The following ARHGAP24 variants were observed in gnomAD, a reference collection of about 807,000 sequenced individuals.
ARHGAP24 encodes the protein rho GTPase-activating protein 24.
ARHGAP24 carries 50 observed loss-of-function variants against 76.4 expected under a neutral mutation model. The ratio of observed to expected loss-of-function variants is 0.65; its 90% CI spans 0.52 to 0.83. The LOEUF is 0.83. Ranked by LOEUF, ARHGAP24 falls within the 40% of genes least tolerant of loss-of-function variation. The probability of loss-of-function intolerance (pLI) is 0.00; values close to 1 mark genes in which losing one functional copy is unlikely to be tolerated. For synonymous variants in ARHGAP24, 345 were observed against 323.3 expected (o/e 1.07, Z -0.72); for missense variants, 930 against 914.2 (o/e 1.02, Z -0.22).
chr4:85,675,835 A>G (rs926126690), intron 2 of ARHGAP24, among the ~76,000 whole-genome samples: 1 of 152,172 alleles, frequency 6.6e-6, no homozygotes, highest in African/African-American at 2.4e-5. Flanking sequence ...ATCCACTCAA[A>G]GTCATCAGGC....
At chr4:85,980,918 A>G (rs556545243) in intron 8 of ARHGAP24, among the ~76,000 whole-genome samples, 4 of 152,320 alleles carry the variant, frequency 2.6e-5, no homozygotes, top group South Asian at 2.1e-4. Context: ...ACCAAACCCA[A>G]CTAGCACCAT....
At chr4:85,975,938 T>C (rs1240945055) in intron 7 of ARHGAP24, among the ~76,000 whole-genome samples, 2 of 152,182 alleles carry the variant, frequency 1.3e-5, no homozygotes, top group African/African-American at 4.8e-5. Flanking sequence ...TGATTATACT[T>C]AGAAGCAAAC....
chr4:85,864,433 T>A (rs57974495), intron 3 of ARHGAP24, among the ~76,000 whole-genome samples: 4,936 of 152,008 alleles, frequency 0.032, 306 homozygotes, highest in African/African-American at 0.11. Flanking sequence ...AACAGTACAG[T>A]TATGTTAAGA....
intron 8 of ARHGAP24, among the ~76,000 whole-genome samples, chr4:85,984,222 A>C (rs1334703462): frequency 4.6e-5 from 7 of 152,232 alleles, no homozygotes; most frequent in South Asian, 4.1e-4. Context: ...TCCACCAGAA[A>C]AAGAAATATA....
intron 3 of ARHGAP24, among the ~76,000 whole-genome samples, chr4:85,894,980 AAAAAAAAACAAAAC>A (rs1350982891): frequency 0.033 from 735 of 22,580 alleles, 61 homozygotes; most frequent in Non-Finnish European, 0.045. Context: ...AAAAAAAAAA[AAAAAAAAACAAAAC>A]AAAAAGCAAA....
chr4:85,801,314 A>G (rs1045718414), intron 3 of ARHGAP24, among the ~76,000 whole-genome samples: 3 of 152,342 alleles, frequency 2.0e-5, no homozygotes, highest in East Asian at 3.9e-4. Flanking sequence ...GAAATATTAA[A>G]TGAAAAATAT....
In ARHGAP24 at chr4:85,624,935, T is replaced by C. The variant is rs1262220200; in HGVS notation, c.180+54214T>C. Among the ~76,000 whole-genome samples the C allele has an allele frequency of 3.3e-5, 5 of 152,338 alleles. No individual in the cohort carries two copies. The East Asian group carries it at 7.7e-4, about 23-fold the overall frequency. Reference sequence around the variant, plus strand: ...GTGGTGATATCCCCTTTCTCATTTTTTATTGTGTCTATTTGATTCTTCTCT... The same window carrying C: ...GTGGTGATATCCCCTTTCTCATTTTCTATTGTGTCTATTTGATTCTTCTCT... On this transcript the variant is annotated intron_variant, in intron 2 of 9. Transcript: ENST00000395184.
chr4:85,611,179 TGA>T (rs1720370910), intron 2 of ARHGAP24, among the ~76,000 whole-genome samples: 1 of 152,210 alleles, frequency 6.6e-6, no homozygotes, highest in Non-Finnish European at 1.5e-5. Context: ...CTGCTACATG[TGA>T]AACTGGGAAG....
chr4:85,657,253 A>G (rs1410239517), intron 2 of ARHGAP24, among the ~76,000 whole-genome samples: 1 of 152,174 alleles, frequency 6.6e-6, no homozygotes, highest in Non-Finnish European at 1.5e-5. Flanking sequence ...CTTGGAACTT[A>G]TTAGAATTGT....
At chr4:85,860,481 T>C (rs1015399013) in intron 3 of ARHGAP24, among the ~76,000 whole-genome samples, 4 of 152,072 alleles carry the variant, frequency 2.6e-5, no homozygotes, top group African/African-American at 9.7e-5. Flanking sequence ...ATCACCAGCC[T>C]GGTAGTCTGG....
chr4:85,716,732 G>A (rs1383530790), intron 2 of ARHGAP24, among the ~76,000 whole-genome samples: 1 of 152,078 alleles, frequency 6.6e-6, no homozygotes, highest in Non-Finnish European at 1.5e-5. Flanking sequence ...TTTACCAAGT[G>A]TTAGAAAGGT....
intron 1 of ARHGAP24, 122 bp from the exon 2 acceptor site, chr4:85,570,382 CTTTCTTTCTTTCTTTCTT>C: frequency 1.9e-3 from 31 of 16,636 alleles, no homozygotes; most frequent in East Asian, 5.0e-3. Context: ...TTCTTTCTTT[CTTTCTTTCTTTCTTTCTT>C]TCTTTCTTTC....
intron 5 of ARHGAP24, among the ~76,000 whole-genome samples, chr4:85,955,219 C>T (rs1737841012): frequency 6.6e-6 from 1 of 151,692 alleles, no homozygotes; most frequent in South Asian, 2.1e-4. Flanking sequence ...AGCCCATGCT[C>T]CCCCCGCCTA....
intron 3 of ARHGAP24, among the ~76,000 whole-genome samples, chr4:85,864,201 C>G (rs115946710): frequency 0.012 from 1,875 of 152,094 alleles, 45 homozygotes; most frequent in African/African-American, 0.043. Context: ...TCAGGCTGCT[C>G]TTTGTTAGAA....
rs1739018779 is a variant in ARHGAP24 at position 85,972,066 on chromosome 4, T to G, written c.630T>G (p.Leu210=). ...SNTDVHTVAS[L]LKLYLRELPE... Reference sequence around the variant, plus strand: ...CAGATGTACACACGGTGGCATCACTTCTTAAGCTGTACCTCCGAGAACTTC... The same window carrying G: ...CAGATGTACACACGGTGGCATCACTGCTTAAGCTGTACCTCCGAGAACTTC... The change falls in exon 6 of 10, where the codon CTT becomes CTG. Residue 210 remains leucine (L), a synonymous_variant. Transcript: ENST00000395184. 6.2e-7 allele frequency: 1 copy of G among 1,614,120 alleles called. No homozygotes were observed. Among genetic ancestry groups the G allele is most frequent in the African/African-American group, 1.3e-5 (1 of 75,052 alleles).
At chr4:85,660,371 G>A (rs1187699952) in intron 2 of ARHGAP24, among the ~76,000 whole-genome samples, 1 of 151,986 alleles carries the variant, frequency 6.6e-6, no homozygotes, top group Non-Finnish European at 1.5e-5. Flanking sequence ...GCTTTAAAAT[G>A]TATCCTCCAT....
chr4:85,898,031 G>GTATA (rs1431311898), intron 3 of ARHGAP24, among the ~76,000 whole-genome samples: 18 of 79,574 alleles, frequency 2.3e-4, no homozygotes, highest in African/African-American at 7.9e-4. Context: ...ACACATATAT[G>GTATA]TGTATATATA....
chr4:85,755,664 G>A (rs1271503714), intron 3 of ARHGAP24, among the ~76,000 whole-genome samples: 2 of 129,356 alleles, frequency 1.5e-5, no homozygotes, highest in Non-Finnish European at 1.6e-5. Flanking sequence ...ACGGAGTCTC[G>A]TTCTGTTGCC....
intron 1 of ARHGAP24, among the ~76,000 whole-genome samples, chr4:85,499,885 G>C: frequency 6.6e-6 from 1 of 152,000 alleles, no homozygotes; most frequent in East Asian, 1.9e-4. Flanking sequence ...TTTAATAATC[G>C]GTACTATTTT....
Sources: allele counts gnomAD v4.1 joint callset (sites outside exome capture counted in the v4.1 genomes callset), GRCh38; gene constraint gnomAD v4.1.1; transcripts MANE v1.5; gene names NCBI Gene and HGNC (gene_info 2026-07-23, HGNC 2026-07-21).